The following CXCR6 variants were observed in gnomAD, a reference collection of about 807,000 sequenced individuals.
The protein encoded by CXCR6 is C-X-C chemokine receptor type 6.
Under a neutral mutation model 1.6 loss-of-function variants are expected in CXCR6, and 3 were observed. That is an observed-to-expected ratio of 1.83 (90% confidence interval 0.83 to 4.72). The LOEUF is 4.72. CXCR6 is among the 30% of genes most tolerant of loss of function. CXCR6 has a pLI of 0.02. For synonymous variants in CXCR6, 171 were observed against 159.2 expected (o/e 1.07, Z -0.56); for missense variants, 326 against 414.8 (o/e 0.79, Z 1.86).
chr3:45,943,702 C>T (rs1305901375), intron 1 of CXCR6, among the ~76,000 whole-genome samples, 162 bp downstream of exon 1: 4 of 152,158 alleles, frequency 2.6e-5, no homozygotes, highest in African/African-American at 9.7e-5. Flanking sequence ...CTGCCATTTG[C>T]TGCTGTGTGG....
At position 45,947,063 on chromosome 3, in the gene CXCR6, C is replaced by T; in HGVS notation, c.582C>T (p.Thr194=). 1.2e-6 allele frequency: 2 copies of T among 1,614,180 alleles called. No homozygotes were observed. The highest frequency in any genetic ancestry group is 2.2e-5 in the South Asian group (2 of 91,070). ...DEAISTVVLA[T]QMTLGFFLPL... is the part of the protein sequence containing the mutation. ...CAATTTCCACTGTGGTTCTTGCCACCCAGATGACACTGGGGTTCTTCTTGC... is the reference window on the plus strand; with the variant it reads ...CAATTTCCACTGTGGTTCTTGCCACTCAGATGACACTGGGGTTCTTCTTGC... The change falls in exon 2 of 2, where the codon ACC becomes ACT. Residue 194 remains threonine (T), a synonymous_variant. Coordinates refer to ENST00000304552, the MANE Select transcript of CXCR6 (RefSeq NM_006564.2).
chr3:45,945,957 C>T (rs1371479938), intron 1 of CXCR6: 1 of 155,192 alleles, frequency 6.4e-6, no homozygotes, highest in African/African-American at 2.4e-5. Flanking sequence ...GATAGGAGAG[C>T]CCCCTGGTAG....
Position 45,946,743 on chromosome 3 carries a change from G to A in CXCR6, c.262G>A (p.Ala88Thr). Residue 88 changes from alanine to threonine, a missense_variant, in exon 2 of 2, where the codon GCC becomes ACC. Coordinates refer to ENST00000304552, the MANE Select transcript of CXCR6 (RefSeq NM_006564.2). ...GTTTGTCTGCACTCTGCCCTTCTGG[G>A]CCTATGCAGGCATCCATGAATGGGT... ...LVFVCTLPFW[A>T]YAGIHEWVFG... 3.7e-6 allele frequency: 6 copies of A among 1,614,198 alleles called. No individual in the cohort carries two copies. The highest frequency in any genetic ancestry group is 5.1e-6 in the Non-Finnish European group (6 of 1,180,018).
chr3:45,943,403 G>A (rs1704366161), upstream of CXCR6: 1 of 152,172 alleles, frequency 6.6e-6, no homozygotes, highest in Non-Finnish European at 1.5e-5. Flanking sequence ...GGAGTAGGGG[G>A]TGGGTCTCTT....
rs1418788281 is a variant in CXCR6 at position 45,947,166 on chromosome 3, T to A, written c.685T>A (p.Ser229Thr). ...TGCTGGAGGCTTCCAGAAGCACAGATCTCTAAAGATCATCTTCCTGGTGAT... is the reference window on the plus strand; with the variant it reads ...TGCTGGAGGCTTCCAGAAGCACAGAACTCTAAAGATCATCTTCCTGGTGAT... ...LHAGGFQKHR[S>T]LKIIFLVMAV... Residue 229 changes from serine to threonine, a missense_variant, in exon 2 of 2, where the codon TCT becomes ACT. Physicochemically the swap from Ser to Thr is moderately conservative, Grantham distance 58 (BLOSUM62 1). Coordinates refer to ENST00000304552, the MANE Select transcript of CXCR6 (RefSeq NM_006564.2). 1 of 1,614,178 alleles carries A rather than the reference T, an allele frequency of 6.2e-7. No individual in the cohort carries two copies.
chr3:45,946,185 A>AT lies in CXCR6; in HGVS notation c.-21-272dup, dbSNP rs971362421. 7.5e-5 allele frequency: 24 copies of AT among 321,732 alleles called. No homozygotes were observed. In the Admixed American group the frequency reaches 9.3e-4, roughly 12 times the overall value. The allele number at this position is 321,732 out of a possible 1,614,324, so 19.9% of individuals were successfully genotyped here. On this transcript the variant is annotated intron_variant, in intron 1 of 1. Coordinates refer to ENST00000304552, the MANE Select transcript of CXCR6 (RefSeq NM_006564.2). Reference sequence around the variant, plus strand: ...TGGTTTCAAAATAATTGAGCACAGGATTTTATGGAATGTGCTTAGGGGTCA... The same window carrying AT: ...TGGTTTCAAAATAATTGAGCACAGGATTTTTATGGAATGTGCTTAGGGGTCA...
chr3:45,946,678 C>T lies in CXCR6; in HGVS notation c.197C>T (p.Thr66Met), dbSNP rs184374371. ...TTCTACCATAAGTTGCAGAGCCTGA[C>T]GGATGTGTTCCTGGTGAACCTACCC... ...SIFYHKLQSL[T>M]DVFLVNLPLA... The change falls in exon 2 of 2, where the codon ACG becomes ATG. Residue 66 changes from threonine (T) to methionine (M), a missense_variant. By Grantham distance (81) the Thr-to-Met change is moderately conservative. Transcript: ENST00000304552. 109 of 1,614,214 alleles carry T rather than the reference C, an allele frequency of 6.8e-5. No homozygotes were observed. The highest frequency in any genetic ancestry group is 3.3e-4 in the Middle Eastern group (2 of 6,062).
chr3:45,947,359 T>G lies in CXCR6; in HGVS notation c.878T>G (p.Leu293Arg), dbSNP rs1015487971. The change falls in exon 2 of 2, where the codon CTG becomes CGG. Residue 293 changes from leucine (L) to arginine (R), a missense_variant. Transcript: ENST00000304552. ...LNPVLYAFVS[L>R]KFRKNFWKLV... ...CCTGTGCTCTATGCCTTTGTCAGCCTGAAGTTTCGAAAGAACTTCTGGAAA... is the reference window on the plus strand; with the variant it reads ...CCTGTGCTCTATGCCTTTGTCAGCCGGAAGTTTCGAAAGAACTTCTGGAAA... 6.2e-7 allele frequency: 1 copy of G among 1,614,134 alleles called. No individual in the cohort carries two copies. Among genetic ancestry groups the G allele is most frequent in the African/African-American group, 1.3e-5 (1 of 74,946 alleles).
At position 45,947,297 on chromosome 3, in the gene CXCR6, G is replaced by A. The variant is rs150362180; in HGVS notation, c.816G>A (p.Val272=). Residue 272 remains valine (V), a synonymous_variant, in exon 2 of 2, where the codon GTG becomes GTA. Transcript: ENST00000304552. ...AMTSFHYTIM[V]TEAIAYLRAC... ...CCAGCTTTCACTACACCATCATGGT[G>A]ACAGAGGCCATCGCATACCTGAGGG... 2.5e-4 allele frequency: 406 copies of A among 1,614,132 alleles called. 1 individual carries two copies. The East Asian group carries it at 8.3e-3, about 33-fold the overall frequency.
upstream of CXCR6, among the ~76,000 whole-genome samples, chr3:45,942,538 C>A (rs751938639): frequency 9.9e-5 from 15 of 152,192 alleles, no homozygotes; most frequent in Non-Finnish European, 1.9e-4. Context: ...GGCCAGGCAC[C>A]TCCACAAGAA....
Position 45,946,958 on chromosome 3 carries a change from C to CA in CXCR6, c.477_478insA (p.Leu160ThrfsTer15). On this transcript the variant is annotated frameshift_variant, in exon 2 of 2. Coordinates refer to ENST00000304552, the MANE Select transcript of CXCR6 (RefSeq NM_006564.2). LOFTEE classifies it low-confidence loss of function (END_TRUNC). ...CCAGCTTGCTCATCTGGGTGATATCCCTGCTGGTTTCCTTGCCCCAAATTA... is the reference window on the plus strand; with the variant it reads ...CCAGCTTGCTCATCTGGGTGATATCCACTGCTGGTTTCCTTGCCCCAAATTA... 6.2e-7 allele frequency: 1 copy of CA among 1,614,170 alleles called. No individual in the cohort carries two copies. The highest frequency in any genetic ancestry group is 1.3e-5 in the African/African-American group (1 of 75,044).
upstream of CXCR6, among the ~76,000 whole-genome samples, chr3:45,942,762 A>G (rs1452199460): frequency 2.0e-5 from 3 of 152,194 alleles, no homozygotes; most frequent in African/African-American, 7.2e-5. Flanking sequence ...GAATTCCAGG[A>G]GTACAGAGGG....
chr3:45,947,305 C>A lies in CXCR6; in HGVS notation c.824C>A (p.Ala275Asp), dbSNP rs1177516228. The change falls in exon 2 of 2, where the codon GCC becomes GAC. Residue 275 changes from alanine (A) to aspartate (D), a missense_variant. Transcript: ENST00000304552. ...CACTACACCATCATGGTGACAGAGG[C>A]CATCGCATACCTGAGGGCCTGCCTT... ...SFHYTIMVTE[A>D]IAYLRACLNP... 1.9e-6 allele frequency: 3 copies of A among 1,614,028 alleles called. No homozygotes were observed. The highest frequency in any genetic ancestry group is 2.5e-6 in the Non-Finnish European group (3 of 1,180,036).
intron 1 of CXCR6, chr3:45,946,096 A>G (rs1480226188): frequency 1.5e-5 from 3 of 194,338 alleles, no homozygotes; most frequent in African/African-American, 2.3e-5. Flanking sequence ...AGTGGGCTCA[A>G]CCATCCATCA....
upstream of CXCR6, among the ~76,000 whole-genome samples, chr3:45,942,890 C>T (rs1055140061): frequency 6.6e-6 from 1 of 152,148 alleles, no homozygotes; most frequent in Admixed American, 6.5e-5. Flanking sequence ...CTCTGGCAGA[C>T]CCATCATCAT....
Position 45,947,080 on chromosome 3 carries a change from T to G in CXCR6, c.599T>G (p.Phe200Cys). The change falls in exon 2 of 2, where the codon TTC (phenylalanine) becomes TGC (cysteine). Residue 200 changes from phenylalanine to cysteine, a missense_variant. Physicochemically the swap from Phe to Cys is radical, Grantham distance 205. Transcript: ENST00000304552. ...CTTGCCACCCAGATGACACTGGGGTTCTTCTTGCCACTGCTCACCATGATT... is the reference window on the plus strand; with the variant it reads ...CTTGCCACCCAGATGACACTGGGGTGCTTCTTGCCACTGCTCACCATGATT... ...VVLATQMTLG[F>C]FLPLLTMIVC... 6.2e-7 allele frequency: 1 copy of G among 1,614,100 alleles called. No individual in the cohort carries two copies. The highest frequency in any genetic ancestry group is 1.7e-5 in the Admixed American group (1 of 60,032).
chr3:45,941,844 T>C (rs758642022), upstream of CXCR6, among the ~76,000 whole-genome samples: 7 of 152,200 alleles, frequency 4.6e-5, no homozygotes, highest in Non-Finnish European at 1.0e-4. Flanking sequence ...GCATGGTTGG[T>C]TGTCCCTGGG....
At chr3:45,943,927 T>G (rs942835130) in intron 1 of CXCR6, among the ~76,000 whole-genome samples, 4 of 152,210 alleles carry the variant, frequency 2.6e-5, no homozygotes, top group Non-Finnish European at 5.9e-5. Flanking sequence ...TTATGTTCTT[T>G]TTTCAATATA....
intron 1 of CXCR6, chr3:45,946,250 T>G: frequency 6.1e-6 from 3 of 489,232 alleles, no homozygotes; most frequent in Non-Finnish European, 7.3e-6. Flanking sequence ...TCCTGAGAAT[T>G]TTCAGGCTAA....
Sources: gnomAD v4.1 joint callset for allele counts (sites outside exome capture counted in the v4.1 genomes callset) on GRCh38, gnomAD v4.1.1 for gene constraint, MANE v1.5 for transcripts, NCBI Gene and HGNC (gene_info 2026-07-23, HGNC 2026-07-21) for gene names.